The following RBM33 variants were observed in gnomAD, a reference collection of about 807,000 sequenced individuals.
RBM33 encodes the protein RNA binding motif protein 33.
RBM33 carries 28 observed loss-of-function variants against 132.6 expected under a neutral mutation model. The observed-to-expected ratio is 0.21, with a 90% CI of 0.16 to 0.29. The LOEUF is 0.29. Ranked by LOEUF, RBM33 falls within the 10% of genes least tolerant of loss-of-function variation. The pLI is 1.00. For synonymous variants in RBM33, 634 were observed against 593.0 expected (o/e 1.07, Z -1.01); for missense variants, 1,291 against 1,518.5 (o/e 0.85, Z 2.49).
chr7:155,673,940 GTTTTTTTTTTTTTTT>G (rs71186053), intron 3 of RBM33, among the ~76,000 whole-genome samples: 2 of 54,216 alleles, frequency 3.7e-5, no homozygotes, highest in Non-Finnish European at 3.2e-5. Flanking sequence ...TTTAGGCTTA[GTTTTTTTTTTTTTTT>G]TTTTTTTTTT....
chr7:155,778,134 C>G lies in RBM33; in HGVS notation c.*3093C>G, dbSNP rs1288638872. On this transcript the variant is annotated 3_prime_UTR_variant, in exon 18 of 18. Coordinates refer to ENST00000401878, the MANE Select transcript of RBM33 (RefSeq NM_053043.3). This position sits in a 1 kb window ranked among gnomAD's most constrained non-coding sequence, Gnocchi z 4.0. ...GTTTCTCTGTTTTGTGGACAGGCAG[C>G]AGCCTCCGTAGGCACCCGCACCCTG... 6.5e-6 allele frequency: 1 copy of G among 152,672 alleles called. No homozygotes were observed. The highest frequency in any genetic ancestry group is 2.4e-5 in the African/African-American group (1 of 41,452). 9.5% of individuals were successfully genotyped at this position (152,672 alleles called of 1,614,324 possible). A position where few individuals can be genotyped will look rare whatever the true frequency, so the allele number is the denominator to read the frequency against.
rs1798122964 is a variant in RBM33, at chr7:155,644,744, C to T, written c.-133C>T. The T allele has an allele frequency of 1.3e-5, 9 of 684,058 alleles. No individual in the cohort carries two copies. In the South Asian group the frequency reaches 2.1e-4, roughly 16 times the overall value. The allele number at this position is 684,058 out of a possible 1,614,324, so 42.4% of individuals were successfully genotyped here. ...GGGCCAGCTGTGGACCGCGAAGCGC[C>T]CGGCTTCGCCTCTGCCTCCTGCAGC... On this transcript the variant is annotated 5_prime_UTR_variant, in exon 1 of 18. Coordinates refer to ENST00000401878, the MANE Select transcript of RBM33 (RefSeq NM_053043.3).
chr7:155,679,138 C>T (rs1799265902), intron 4 of RBM33, among the ~76,000 whole-genome samples: 1 of 152,064 alleles, frequency 6.6e-6, no homozygotes, highest in South Asian at 2.1e-4. Flanking sequence ...TGCCACTGCA[C>T]TCCAGCCTGG....
intron 1 of RBM33, among the ~76,000 whole-genome samples, chr7:155,655,833 T>C (rs188859983): frequency 6.6e-6 from 1 of 152,232 alleles, no homozygotes; most frequent in East Asian, 1.9e-4. Context: ...GGCGGGAAGC[T>C]CACTTGAACC....
chr7:155,745,586 T>A lies in RBM33; in HGVS notation c.2963T>A (p.Ile988Asn). 1 of 1,592,250 alleles carries A rather than the reference T, an allele frequency of 6.3e-7. No homozygotes were observed. The highest frequency in any genetic ancestry group is 8.6e-7 in the Non-Finnish European group (1 of 1,167,128). ...GPHISSKVRV[I>N]KLSGGGGESD... ...CACATCAGCTCCAAGGTCAGGGTGA[T>A]TAAGCTGTCAGGTGGGGTAAGTTGA... Residue 988 changes from isoleucine (I) to asparagine (N), a missense_variant, in exon 14 of 18, where the codon ATT becomes AAT. By Grantham distance (149) the Ile-to-Asn change is moderately radical. Transcript: ENST00000401878. The surrounding 1 kb of genome is among the most constrained non-coding windows in gnomAD (Gnocchi z 4.1).
intron 9 of RBM33, among the ~76,000 whole-genome samples, chr7:155,729,637 T>C (rs1033929432): frequency 9.9e-5 from 15 of 151,224 alleles, no homozygotes; most frequent in Admixed American, 4.6e-4. Flanking sequence ...CTCTGGAGGC[T>C]GAGGCAAGAG....
At chr7:155,705,791 C>T (rs1479596553) in intron 6 of RBM33, among the ~76,000 whole-genome samples, 2 of 152,154 alleles carry the variant, frequency 1.3e-5, no homozygotes, top group Admixed American at 6.5e-5. Flanking sequence ...GGCCAGTGCC[C>T]ATGTTTTCTG....
chr7:155,742,012 C>A lies in RBM33; in HGVS notation c.2243C>A (p.Ala748Glu). ...VSASPPSRAV[A>E]GSRSSQGKTE... is the part of the protein sequence containing the mutation. The stretch of plus-strand genomic sequence containing the variant: ...GCGTCACCACCCTCGCGGGCCGTGG[C>A]GGGTTCCAGAAGCTCACAGGGAAAG... The change falls in exon 13 of 18, where the codon GCG (alanine) becomes GAG (glutamate). Residue 748 changes from alanine (A) to glutamate (E), a missense_variant. By Grantham distance (107) the Ala-to-Glu change is moderately radical. This residue lies in a region of RBM33 where 841 missense variants were observed against 912.0 expected (regional missense o/e 0.92). Coordinates refer to ENST00000401878, the MANE Select transcript of RBM33 (RefSeq NM_053043.3). 3 of 1,613,996 alleles carry A rather than the reference C, an allele frequency of 1.9e-6. No homozygotes were observed. Among genetic ancestry groups the A allele is most frequent in the Non-Finnish European group, 2.5e-6 (3 of 1,179,902 alleles).
chr7:155,781,016 G>C lies in RBM33; in HGVS notation c.*5975G>C, dbSNP rs1245326421. On this transcript the variant is annotated 3_prime_UTR_variant, in exon 18 of 18. Transcript: ENST00000401878. ...GCAGGAGCTCTTGTGCTTGAGTTCA[G>C]TGTTAGTGGTAGCGTGGCTCACTCC... is the stretch of plus-strand genomic sequence containing the variant. The C allele has an allele frequency of 6.5e-6, 1 of 152,850 alleles. No homozygotes were observed. The highest frequency in any genetic ancestry group is 2.4e-5 in the African/African-American group (1 of 41,470). 9.5% of individuals were successfully genotyped at this position (152,850 alleles called of 1,614,324 possible). A position where few individuals can be genotyped will look rare whatever the true frequency, so the allele number is the denominator to read the frequency against.
At chr7:155,720,585 A>G (rs144429058) in intron 9 of RBM33, among the ~76,000 whole-genome samples, 5 of 152,224 alleles carry the variant, frequency 3.3e-5, no homozygotes, top group African/African-American at 9.6e-5. Context: ...ATGAGGATCT[A>G]CTTTATGTCA....
At chr7:155,737,464 T>TTA (rs1460342136) in intron 9 of RBM33, 66 bp from the exon 10 acceptor site, 2 of 1,495,152 alleles carry the variant, frequency 1.3e-6, no homozygotes, top group Non-Finnish European at 1.8e-6. Flanking sequence ...GGTCTATATT[T>TTA]CTAAAAATTA....
At chr7:155,766,894 G>C in intron 16 of RBM33, 1 of 534,744 alleles carries the variant, frequency 1.9e-6, no homozygotes, top group Non-Finnish European at 3.3e-6. Context: ...CAGCTGAACA[G>C]ATTATCCTTT....
At chr7:155,764,643 A>G (rs1035683690) in intron 15 of RBM33, among the ~76,000 whole-genome samples, 1 of 152,154 alleles carries the variant, frequency 6.6e-6, no homozygotes, top group Non-Finnish European at 1.5e-5. Context: ...CCTTCCCCTC[A>G]GCTTCTAGTG....
At chr7:155,759,595 A>AT (rs796387702) in intron 14 of RBM33, among the ~76,000 whole-genome samples, 92 of 151,444 alleles carry the variant, frequency 6.1e-4, no homozygotes, top group African/African-American at 2.1e-3. Context: ...TTTTTTTTGT[A>AT]TTTTTAGTAG....
chr7:155,667,665 A>G (rs1016218737), intron 2 of RBM33, among the ~76,000 whole-genome samples: 1 of 152,242 alleles, frequency 6.6e-6, no homozygotes, highest in East Asian at 1.9e-4. Context: ...GTCAGAGTAG[A>G]TGATGTGTGG....
At chr7:155,694,024 G>T (rs1799719849) in intron 5 of RBM33, among the ~76,000 whole-genome samples, 1 of 152,056 alleles carries the variant, frequency 6.6e-6, no homozygotes, top group Admixed American at 6.6e-5. Context: ...ATCCTGTTGT[G>T]CCCCATCTGT....
At chr7:155,673,173 A>G (rs1798991269) in intron 3 of RBM33, among the ~76,000 whole-genome samples, 1 of 151,278 alleles carries the variant, frequency 6.6e-6, no homozygotes. Context: ...CTGGATTGTG[A>G]CAGCGTTAAC....
chr7:155,756,789 A>T (rs1332224395), intron 14 of RBM33, among the ~76,000 whole-genome samples: 1 of 152,124 alleles, frequency 6.6e-6, no homozygotes, highest in Non-Finnish European at 1.5e-5. Flanking sequence ...TTGGGCAGAA[A>T]CGTCACCAGC....
At chr7:155,676,188 G>A (rs1381976079) in intron 3 of RBM33, among the ~76,000 whole-genome samples, 1 of 152,148 alleles carries the variant, frequency 6.6e-6, no homozygotes, top group Non-Finnish European at 1.5e-5. Context: ...AAAGGCACAC[G>A]GGTCAGACTG....
Sources: gnomAD v4.1 joint callset for allele counts (sites outside exome capture counted in the v4.1 genomes callset) on GRCh38, gnomAD v4.1.1 for gene constraint, gnomAD v4.1.1 regional missense constraint, Gnocchi (gnomAD v3.1) non-coding constraint, MANE v1.5 for transcripts, NCBI Gene and HGNC (gene_info 2026-07-23, HGNC 2026-07-21) for gene names.